The following ZC3HAV1 variants were observed in gnomAD, a reference collection of about 807,000 sequenced individuals.
ZC3HAV1 encodes the protein zinc finger CCCH-type antiviral protein 1.
Under a neutral mutation model 86.6 loss-of-function variants are expected in ZC3HAV1, and 41 were observed. The ratio of observed to expected loss-of-function variants is 0.47; its 90% CI spans 0.37 to 0.61. The LOEUF (loss-of-function observed/expected upper bound fraction) is 0.61. Among genes scored for constraint, ZC3HAV1 ranks in the 20% least tolerant of loss-of-function variants. The probability of loss-of-function intolerance (pLI) is 0.00; values close to 1 mark genes in which losing one functional copy is unlikely to be tolerated. For missense variants in ZC3HAV1, 964 were observed against 1,141.1 expected (o/e 0.84, Z 2.24); for synonymous variants, 421 against 432.1 (o/e 0.97, Z 0.32).
Position 139,109,425 on chromosome 7 carries a change from G to T in ZC3HAV1, c.-94C>A. 7.1e-7 allele frequency: 1 copy of T among 1,415,256 alleles called. No individual in the cohort carries two copies. The highest frequency in any genetic ancestry group is 9.3e-7 in the Non-Finnish European group (1 of 1,080,940). 87.7% of individuals were successfully genotyped at this position (1,415,256 alleles called of 1,614,324 possible). On this transcript the variant is annotated 5_prime_UTR_variant, in exon 1 of 13. Transcript: ENST00000242351. Reference sequence around the variant, plus strand: ...TACAAGTGTCCAGGGGCGGGCGCGGGCGGTGCTACTGCTGGGCGCGCCCGG... The same window carrying T: ...TACAAGTGTCCAGGGGCGGGCGCGGTCGGTGCTACTGCTGGGCGCGCCCGG...
At position 139,108,376 on chromosome 7, in the gene ZC3HAV1, TGC is replaced by T. The variant is rs1817997744; in HGVS notation, c.308+646_308+647del. 6.6e-6 allele frequency among the ~76,000 whole-genome samples: 1 copy of T among 151,748 alleles called. No homozygotes were observed. Among genetic ancestry groups the T allele is most frequent in the African/African-American group, 2.4e-5 (1 of 41,368 alleles). ...AGTTGTCCCAAGGCAGGCGGTCAAC[TGC>T]GCGCGCCACCGTAGAGAGACCACCC... On this transcript the variant is annotated intron_variant, in intron 1 of 12. Coordinates refer to ENST00000242351, the MANE Select transcript of ZC3HAV1 (RefSeq NM_020119.4). The surrounding 1 kb of genome is among the most constrained non-coding windows in gnomAD (Gnocchi z 4.2).
At chr7:139,071,394 G>T (rs1406439035) in intron 7 of ZC3HAV1, among the ~76,000 whole-genome samples, 1 of 152,094 alleles carries the variant, frequency 6.6e-6, no homozygotes, top group Non-Finnish European at 1.5e-5. Flanking sequence ...GAGCCACCAC[G>T]CCCGGCCTCC....
chr7:139,071,212 T>G (rs2130693552), intron 7 of ZC3HAV1, among the ~76,000 whole-genome samples: 1 of 150,860 alleles, frequency 6.6e-6, no homozygotes, highest in African/African-American at 2.4e-5. Context: ...TTTTCCTGCC[T>G]CAGCCTCCCA....
At chr7:139,068,169 C>G (rs532249482) in intron 7 of ZC3HAV1, among the ~76,000 whole-genome samples, 28 of 152,058 alleles carry the variant, frequency 1.8e-4, no homozygotes, top group Admixed American at 1.8e-3. Context: ...AAGCGATTCT[C>G]CTGCCTCAGC....
At chr7:139,066,199 CA>C (rs1816603294) in intron 7 of ZC3HAV1, among the ~76,000 whole-genome samples, 1 of 152,082 alleles carries the variant, frequency 6.6e-6, no homozygotes, top group Admixed American at 6.6e-5. Flanking sequence ...TTAATGGCAA[CA>C]AATTTTTCCA....
intron 1 of ZC3HAV1, among the ~76,000 whole-genome samples, chr7:139,101,233 T>C (rs933173236): frequency 1.3e-5 from 2 of 151,738 alleles, no homozygotes; most frequent in African/African-American, 4.8e-5. Flanking sequence ...CCTCCCAAAG[T>C]GCCGAGATCG....
intron 7 of ZC3HAV1, among the ~76,000 whole-genome samples, chr7:139,069,049 G>C (rs746097057): frequency 6.6e-6 from 1 of 152,158 alleles, no homozygotes; most frequent in African/African-American, 2.4e-5. Context: ...CTCTTGTAAG[G>C]ATAAGTCCTT....
rs1431249695 is a variant in ZC3HAV1 at position 139,080,047 on chromosome 7, C to T, written c.894G>A (p.Thr298=). 11 of 1,614,042 alleles carry T rather than the reference C, an allele frequency of 6.8e-6. No homozygotes were observed. The highest frequency in any genetic ancestry group is 5.3e-5 in the African/African-American group (4 of 74,930). ...GAGCGCGATCCTGACTCCCCAGATACGTGAACTTGCGGGTGAGATCGTCCA... is the reference window on the plus strand; with the variant it reads ...GAGCGCGATCCTGACTCCCCAGATATGTGAACTTGCGGGTGAGATCGTCCA... ...APVDDLTRKF[T]YLGSQDRARP... is the part of the protein sequence containing the mutation. The change falls in exon 4 of 13, where the codon ACG becomes ACA. Residue 298 remains threonine, a synonymous_variant. Transcript: ENST00000242351.
intron 12 of ZC3HAV1, among the ~76,000 whole-genome samples, chr7:139,052,606 CAAAAAAA>C (rs35386659): frequency 4.6e-5 from 3 of 64,964 alleles, no homozygotes; most frequent in African/African-American, 8.9e-5. Flanking sequence ...ACTCTGTCTC[CAAAAAAA>C]AAAAAAAAAA....
At chr7:139,065,128 G>C (rs1584847094) in intron 7 of ZC3HAV1, 129 bp from the exon 8 acceptor site, 24 of 1,250,596 alleles carry the variant, frequency 1.9e-5, no homozygotes, top group Non-Finnish European at 2.5e-5. Context: ...GATTGTAAAA[G>C]CTTCCAGCTC....
rs1305570530 is a variant in ZC3HAV1 at position 139,053,371 on chromosome 7, TAC to T, written c.2449+78_2449+79del. ...GACACTCTGGTTAATACAAAATAATTACATATACCTCCTAATAGAAGCACATA... is the reference window on the plus strand; with the variant it reads ...GACACTCTGGTTAATACAAAATAATTATATACCTCCTAATAGAAGCACATA... On this transcript the variant is annotated intron_variant, in intron 12 of 12. Transcript: ENST00000242351. 367 of 1,443,480 alleles carry T rather than the reference TAC, an allele frequency of 2.5e-4. 3 individuals carry two copies. The highest frequency in any genetic ancestry group is 4.5e-5 in the Non-Finnish European group (49 of 1,091,688). 89.4% of individuals were successfully genotyped at this position (1,443,480 alleles called of 1,614,324 possible).
rs1817086452 is a variant in ZC3HAV1, at chr7:139,080,152, A to G, written c.789T>C (p.Ser263=). 1.9e-6 allele frequency: 3 copies of G among 1,614,212 alleles called. No homozygotes were observed. The highest frequency in any genetic ancestry group is 3.3e-4 in the Middle Eastern group (2 of 6,062). The change falls in exon 4 of 13, where the codon TCT becomes TCC. Residue 263 remains serine, a synonymous_variant. Transcript: ENST00000242351. Reference sequence around the variant, plus strand: ...AGGACCTCTCAGCAGACGCTGAAGCAGACGCAAGAAATTCTTGGCTGCCCT... The same window carrying G: ...AGGACCTCTCAGCAGACGCTGAAGCGGACGCAAGAAATTCTTGGCTGCCCT... ...FFQGSQEFLA[S]ASASAERSCT...
intron 9 of ZC3HAV1, among the ~76,000 whole-genome samples, chr7:139,058,696 T>C (rs1299184706): frequency 6.6e-6 from 1 of 152,160 alleles, no homozygotes; most frequent in African/African-American, 2.4e-5. Context: ...TGAGGGGTGC[T>C]GTATTCATGT....
intron 11 of ZC3HAV1, 29 bp from the exon 12 acceptor site, chr7:139,053,610 GGA>G (rs372008300): frequency 1.3e-6 from 2 of 1,549,060 alleles, no homozygotes; most frequent in East Asian, 4.6e-5. Context: ...GACTTAACAC[GGA>G]GACATCCCCT....
At chr7:139,076,192 A>G in intron 6 of ZC3HAV1, 94 bp downstream of exon 6, 1 of 1,552,310 alleles carries the variant, frequency 6.4e-7, no homozygotes, top group Non-Finnish European at 8.8e-7. Context: ...TTCTGATGGA[A>G]AAGTGTTTTT....
At chr7:139,101,490 C>G (rs1430053896) in intron 1 of ZC3HAV1, among the ~76,000 whole-genome samples, 1 of 108,110 alleles carries the variant, frequency 9.2e-6, no homozygotes, top group Non-Finnish European at 1.8e-5. Context: ...CTCAGCCCGG[C>G]CACCACCCCG....
At chr7:139,091,917 G>A (rs1218409596) in intron 1 of ZC3HAV1, among the ~76,000 whole-genome samples, 4 of 152,176 alleles carry the variant, frequency 2.6e-5, no homozygotes, top group Admixed American at 2.6e-4. Flanking sequence ...GACGAATTAG[G>A]AGTCCGTTTA....
chr7:139,082,549 A>T (rs1817156359), intron 3 of ZC3HAV1, among the ~76,000 whole-genome samples: 1 of 152,204 alleles, frequency 6.6e-6, no homozygotes, highest in Admixed American at 6.5e-5. Flanking sequence ...TCTGTACACC[A>T]TGTTTACAGC....
At chr7:139,084,654 G>A (rs1298633189) in intron 2 of ZC3HAV1, among the ~76,000 whole-genome samples, 1 of 152,116 alleles carries the variant, frequency 6.6e-6, no homozygotes. Flanking sequence ...TGACCTCAAG[G>A]GATCCCTTAC....
Sources: allele counts gnomAD v4.1 joint callset (sites outside exome capture counted in the v4.1 genomes callset), GRCh38; gene constraint gnomAD v4.1.1; non-coding constraint Gnocchi (gnomAD v3.1); transcripts MANE v1.5; gene names NCBI Gene and HGNC (gene_info 2026-07-23, HGNC 2026-07-21).